P3H1: variants seen among roughly 807,000 people sequenced by gnomAD.
P3H1 encodes prolyl 3-hydroxylase 1.
In P3H1, 69 loss-of-function variants were observed where a neutral mutation model predicts 84.0. The observed-to-expected ratio is 0.82, with a 90% CI of 0.68 to 1.00. The LOEUF (loss-of-function observed/expected upper bound fraction) is 1.00, where lower values mean the gene tolerates loss of function less well. Ranked by LOEUF, P3H1 falls within the 50% of genes least tolerant of loss-of-function variation. The pLI, the probability that P3H1 is intolerant of heterozygous loss-of-function variation, is 0.00. For missense variants in P3H1, 878 were observed against 962.8 expected (o/e 0.91, Z 1.17); for synonymous variants, 366 against 388.8 (o/e 0.94, Z 0.69).
chr1:42,762,589 C>T (rs1570479897), intron 1 of P3H1, 114 bp from the exon 2 acceptor site: 2 of 1,128,590 alleles, frequency 1.8e-6, no homozygotes, highest in East Asian at 4.8e-5. Flanking sequence ...GCCCTCCACT[C>T]AGCGTGCCCA....
rs754714794 is a variant in P3H1 at position 42,752,538 on chromosome 1, T to C, written c.1472A>G (p.Asn491Ser). 2.9e-5 allele frequency: 47 copies of C among 1,613,964 alleles called. No homozygotes were observed. Among genetic ancestry groups the C allele is most frequent in the Non-Finnish European group, 3.6e-5 (43 of 1,180,006 alleles). ...HECQELQRLT[N>S]VAATSGDGYR... ...GTGCAGTCACTGGGCTTCCCTTACA[T>C]TGGTCAGTCTCTGCAGCTCCTGACA... Residue 491 changes from asparagine to serine, a missense_variant and splice_region_variant, in exon 9 of 15, where the codon AAT becomes AGT. Physicochemically the swap from Asn to Ser is conservative, Grantham distance 46 (BLOSUM62 1). Transcript: ENST00000296388.
chr1:42,747,101 G>A, intron 14 of P3H1, 171 bp downstream of exon 14: 2 of 1,614,204 alleles, frequency 1.2e-6, no homozygotes, highest in Non-Finnish European at 8.5e-7. Context: ...GCCCAGGGAG[G>A]ACAAGGCAAT....
intron 14 of P3H1, 111 bp downstream of exon 14, chr1:42,747,161 G>T (rs747939025): frequency 6.2e-7 from 1 of 1,614,024 alleles, no homozygotes. Flanking sequence ...TGCTCCTTTC[G>T]TGTCTCAGCC....
In P3H1 at chr1:42,750,320, T is replaced by C. The variant is rs1016608555; in HGVS notation, c.1586A>G (p.Lys529Arg). ...FKALKLGQEGKVPLQSAHLYY... is the reference protein window; with the variant it reads ...FKALKLGQEGRVPLQSAHLYY... ...CAGGTGGGCACTCTGCAGAGGAACT[T>C]TGCCTTCTTGCCCCAGCTGCCAAGG... Residue 529 changes from lysine to arginine, a missense_variant, in exon 11 of 15, where the codon AAA becomes AGA. Physicochemically the swap from Lys to Arg is conservative, Grantham distance 26. Coordinates refer to ENST00000296388, the MANE Select transcript of P3H1 (RefSeq NM_022356.4). 7 of 1,613,910 alleles carry C rather than the reference T, an allele frequency of 4.3e-6. No individual in the cohort carries two copies. The African/African-American group carries it at 6.7e-5, about 15-fold the overall frequency.
intron 3 of P3H1, 25 bp downstream of exon 3, chr1:42,759,176 A>C: frequency 1.2e-6 from 2 of 1,613,474 alleles, no homozygotes; most frequent in Non-Finnish European, 1.7e-6. Flanking sequence ...GCCTGGCTGA[A>C]GGTCTGGCTC....
In P3H1 at chr1:42,757,766, A is replaced by G. The variant is rs1354651137; in HGVS notation, c.1080+17T>C. The G allele has an allele frequency of 8.7e-6, 14 of 1,614,098 alleles. No homozygotes were observed. The highest frequency in any genetic ancestry group is 1.2e-5 in the Non-Finnish European group (14 of 1,180,044). On this transcript the variant is annotated intron_variant, in intron 5 of 14. Coordinates refer to ENST00000296388, the MANE Select transcript of P3H1 (RefSeq NM_022356.4). The stretch of plus-strand genomic sequence containing the variant: ...GAGTTCAGCTGGCAGCTGTCATAAC[A>G]GAAGGAAGTCTCTCACCTCACGGGG...
chr1:42,763,603 C>T (rs1264863345), intron 1 of P3H1, among the ~76,000 whole-genome samples: 14 of 126,508 alleles, frequency 1.1e-4, no homozygotes, highest in East Asian at 8.1e-4. Context: ...ACCCGGGAGG[C>T]GGAGGTTACA....
Position 42,750,217 on chromosome 1 carries a change from G to A in P3H1, c.1689C>T (p.Tyr563=), listed in dbSNP as rs2124093257. The A allele has an allele frequency of 1.2e-6, 2 of 1,613,614 alleles. No homozygotes were observed. The highest frequency in any genetic ancestry group is 2.7e-5 in the African/African-American group (2 of 75,020). ...FRLDTPLYFS[Y]SHLVCRTAIE... is the part of the protein sequence containing the mutation. Reference sequence around the variant, plus strand: ...TGGCAGTGCGGCACACCAGATGAGAGTAGGAAAAGTAGAGGGGCGTATCCA... The same window carrying A: ...TGGCAGTGCGGCACACCAGATGAGAATAGGAAAAGTAGAGGGGCGTATCCA... Residue 563 remains tyrosine (Y), a synonymous_variant, in exon 11 of 15, where the codon TAC becomes TAT. Transcript: ENST00000296388.
chr1:42,752,117 C>T lies in P3H1; in HGVS notation c.1569+157G>A, dbSNP rs55942531. On this transcript the variant is annotated intron_variant, in intron 10 of 14. Coordinates refer to ENST00000296388, the MANE Select transcript of P3H1 (RefSeq NM_022356.4). ...TAACAGGATTCAAAAGTGAACCTCACGCAACATAACTCATCCTCGCTTCCT... is the reference window on the plus strand; with the variant it reads ...TAACAGGATTCAAAAGTGAACCTCATGCAACATAACTCATCCTCGCTTCCT... 7.4e-4 allele frequency among the ~76,000 whole-genome samples: 112 copies of T among 152,322 alleles called. 1 individual carries two copies. Among genetic ancestry groups the T allele is most frequent in the Admixed American group, 3.1e-3 (47 of 15,292 alleles).
chr1:42,765,344 C>G (rs1652933166), intron 1 of P3H1, among the ~76,000 whole-genome samples: 1 of 152,210 alleles, frequency 6.6e-6, no homozygotes, highest in South Asian at 2.1e-4. Flanking sequence ...GCTAGAGTCT[C>G]CCTCCTTTGT....
chr1:42,755,095 GC>G, intron 7 of P3H1, 69 bp downstream of exon 7: 1 of 1,611,842 alleles, frequency 6.2e-7, no homozygotes, highest in Non-Finnish European at 8.5e-7. Flanking sequence ...GTTCACATCT[GC>G]CTGGGCTCAG....
chr1:42,752,433 C>T, intron 9 of P3H1, 64 bp from the exon 10 acceptor site: 2 of 1,609,330 alleles, frequency 1.2e-6, no homozygotes. Flanking sequence ...AAGAGGTGGT[C>T]AACTGTGGCC....
At chr1:42,763,007 C>T (rs1174380510) in intron 1 of P3H1, among the ~76,000 whole-genome samples, 1 of 151,790 alleles carries the variant, frequency 6.6e-6, no homozygotes, top group Non-Finnish European at 1.5e-5. Context: ...GACGCTTGGG[C>T]CTGGGAAGCA....
At chr1:42,762,192 G>C (rs1652754607) in intron 2 of P3H1, 131 bp downstream of exon 2, 1 of 901,406 alleles carries the variant, frequency 1.1e-6, no homozygotes, top group Non-Finnish European at 1.8e-6. Context: ...GGTCTCTTGA[G>C]TCCGGGAATT....
chr1:42,749,020 T>C (rs995651773), intron 11 of P3H1, among the ~76,000 whole-genome samples: 4 of 152,246 alleles, frequency 2.6e-5, no homozygotes, highest in African/African-American at 9.6e-5. Flanking sequence ...CTCCTCCCAC[T>C]GCCACTTCCT....
Position 42,754,876 on chromosome 1 carries a change from G to A in P3H1, c.1338C>T (p.Thr446=). ...TKESLDVSRL[T]REGGPLLYEG... ...CTATTTCTGTCCTCTCACCTTCCCG[G>A]GTCAGTCTGCTCACATCCAGTGACT... Residue 446 remains threonine (T), a synonymous_variant, in exon 8 of 15, where the codon ACC becomes ACT. Coordinates refer to ENST00000296388, the MANE Select transcript of P3H1 (RefSeq NM_022356.4). This position sits in a 1 kb window ranked among gnomAD's most constrained non-coding sequence, Gnocchi z 4.0. The A allele has an allele frequency of 6.2e-7, 1 of 1,614,076 alleles. No individual in the cohort carries two copies. The highest frequency in any genetic ancestry group is 8.5e-7 in the Non-Finnish European group (1 of 1,180,008).
Position 42,764,423 on chromosome 1 carries a change from CA to C in P3H1, c.466-1949del, listed in dbSNP as rs769981372. ...GCCTGGCAACAGCGAGACTCCATCTCAAAAAAAAAAAAAAAAAAAAAGAAAG... is the reference window on the plus strand; with the variant it reads ...GCCTGGCAACAGCGAGACTCCATCTCAAAAAAAAAAAAAAAAAAAAGAAAG... On this transcript the variant is annotated intron_variant, in intron 1 of 14. Coordinates refer to ENST00000296388, the MANE Select transcript of P3H1 (RefSeq NM_022356.4). 4.4e-3 allele frequency among the ~76,000 whole-genome samples: 376 copies of C among 84,930 alleles called. 1 individual carries two copies. The highest frequency in any genetic ancestry group is 0.018 in the Middle Eastern group (3 of 170). The allele number at this position is 84,930 out of a possible 152,430, so 55.7% of individuals were successfully genotyped here.
intron 11 of P3H1, among the ~76,000 whole-genome samples, chr1:42,749,076 C>A (rs936349927): frequency 1.4e-4 from 21 of 152,242 alleles, no homozygotes; most frequent in African/African-American, 5.1e-4. Context: ...TGCTGACCAG[C>A]TTCCCTTTTT....
chr1:42,763,228 T>G (rs961765129), intron 1 of P3H1, among the ~76,000 whole-genome samples: 1 of 152,178 alleles, frequency 6.6e-6, no homozygotes, highest in Non-Finnish European at 1.5e-5. Flanking sequence ...AAAAAAATTT[T>G]TTTTTGCATA....
Sources: allele counts gnomAD v4.1 joint callset (sites outside exome capture counted in the v4.1 genomes callset), GRCh38; gene constraint gnomAD v4.1.1; non-coding constraint Gnocchi (gnomAD v3.1); transcripts MANE v1.5; gene names NCBI Gene and HGNC (gene_info 2026-07-23, HGNC 2026-07-21).